Variants in KCMF1 observed in about 807,000 individuals in gnomAD.
KCMF1 encodes the protein potassium channel modulatory factor 1, also known as E3 ubiquitin-protein ligase KCMF1.
In KCMF1, 3 loss-of-function variants were observed where a neutral mutation model predicts 41.1. That is an observed-to-expected ratio of 0.07 (90% confidence interval 0.03 to 0.19). The LOEUF (loss-of-function observed/expected upper bound fraction) is 0.19, where lower values mean the gene tolerates loss of function less well. KCMF1 is among the 10% of genes least tolerant of loss of function. The pLI, the probability that KCMF1 is intolerant of heterozygous loss-of-function variation, is 1.00. For synonymous variants in KCMF1, 142 were observed against 164.5 expected (o/e 0.86, Z 1.04); for missense variants, 286 against 488.9 (o/e 0.58, Z 3.91).
intron 6 of KCMF1, among the ~76,000 whole-genome samples, chr2:85,050,626 C>T (rs1210594402): frequency 6.6e-6 from 1 of 152,170 alleles, no homozygotes; most frequent in Non-Finnish European, 1.5e-5. Flanking sequence ...TTAGCCTCAA[C>T]AGATAATGAA....
chr2:84,982,980 G>A (rs1673803648), intron 1 of KCMF1, among the ~76,000 whole-genome samples: 1 of 152,188 alleles, frequency 6.6e-6, no homozygotes, highest in Non-Finnish European at 1.5e-5. Flanking sequence ...AGAAATACAA[G>A]TGTTCCTATA....
At chr2:85,006,022 G>A (rs1407153315) in intron 1 of KCMF1, among the ~76,000 whole-genome samples, 1 of 152,054 alleles carries the variant, frequency 6.6e-6, no homozygotes, top group Non-Finnish European at 1.5e-5. Context: ...TTCCTCTTCA[G>A]TAATGCCTGG....
In KCMF1 at chr2:85,026,250, C is replaced by T. The variant is rs373535565; in HGVS notation, c.17-1639C>T. Among the ~76,000 whole-genome samples the T allele has an allele frequency of 5.0e-4, 76 of 151,842 alleles. 1 individual carries two copies. In the East Asian group the frequency reaches 0.012, roughly 23 times the overall value. ...AGGTGATCCGCCCACCTCAGTCTCC[C>T]AAAGTGCTGAGATTACAGGCGTGAG... On this transcript the variant is annotated intron_variant, in intron 1 of 6. Coordinates refer to ENST00000409785, the MANE Select transcript of KCMF1 (RefSeq NM_020122.5).
chr2:85,035,045 G>A lies in KCMF1; in HGVS notation c.214G>A (p.Val72Ile). Residue 72 changes from valine to isoleucine, a missense_variant, in exon 3 of 7, where the codon GTA becomes ATA. By Grantham distance (29) the Val-to-Ile change is conservative. Coordinates refer to ENST00000409785, the MANE Select transcript of KCMF1 (RefSeq NM_020122.5). ...ATACTATGGTGGGGAAGCTTTCTCTGTAGAGCAGCCACAGTCTTTTACTTG... is the reference window on the plus strand; with the variant it reads ...ATACTATGGTGGGGAAGCTTTCTCTATAGAGCAGCCACAGTCTTTTACTTG... Reference protein sequence around the residue: ...DLYYGGEAFSVEQPQSFTCPY... With the variant: ...DLYYGGEAFSIEQPQSFTCPY... 2 of 1,612,944 alleles carry A rather than the reference G, an allele frequency of 1.2e-6. No individual in the cohort carries two copies. The highest frequency in any genetic ancestry group is 1.7e-6 in the Non-Finnish European group (2 of 1,179,192).
chr2:85,034,068 C>A (rs545589445), intron 2 of KCMF1, among the ~76,000 whole-genome samples: 1 of 151,406 alleles, frequency 6.6e-6, no homozygotes, highest in Non-Finnish European at 1.5e-5. Flanking sequence ...TGATGGCACA[C>A]ACCTGTAGTT....
chr2:85,007,241 T>C (rs1397163701), intron 1 of KCMF1, among the ~76,000 whole-genome samples: 1 of 152,226 alleles, frequency 6.6e-6, no homozygotes, highest in East Asian at 1.9e-4. Context: ...GAGCCACATA[T>C]TGTTTAGTTA....
intron 1 of KCMF1, among the ~76,000 whole-genome samples, chr2:85,009,858 G>A (rs1187852884): frequency 1.3e-5 from 2 of 152,130 alleles, no homozygotes; most frequent in Non-Finnish European, 2.9e-5. Flanking sequence ...AAATTTAACT[G>A]CTTCTTAAAG....
At chr2:85,030,822 A>G (rs1277322862) in intron 2 of KCMF1, among the ~76,000 whole-genome samples, 1 of 152,102 alleles carries the variant, frequency 6.6e-6, no homozygotes, top group Non-Finnish European at 1.5e-5. Context: ...TCAGCCTTCC[A>G]AGTAATTGGG....
chr2:84,981,821 C>A (rs1673763553), intron 1 of KCMF1, among the ~76,000 whole-genome samples: 1 of 152,070 alleles, frequency 6.6e-6, no homozygotes, highest in Non-Finnish European at 1.5e-5. Context: ...TTCTGTCGGC[C>A]AGGCTGGAGT....
At chr2:85,020,357 T>G in intron 1 of KCMF1, among the ~76,000 whole-genome samples, 1 of 152,236 alleles carries the variant, frequency 6.6e-6, no homozygotes, top group East Asian at 1.9e-4. Flanking sequence ...CCTAAATAGA[T>G]ATCATAGGTA....
chr2:84,991,921 G>T (rs530197755), intron 1 of KCMF1, among the ~76,000 whole-genome samples: 1 of 152,166 alleles, frequency 6.6e-6, no homozygotes, highest in Non-Finnish European at 1.5e-5. Context: ...CTGCTGGTAT[G>T]AGAGACCCAA....
chr2:84,973,825 C>CTTTTTTTTTTTTTTTTTTTTTTTT (rs1238178193), intron 1 of KCMF1, among the ~76,000 whole-genome samples: 5 of 110,276 alleles, frequency 4.5e-5, no homozygotes, highest in Non-Finnish European at 5.6e-5. Flanking sequence ...TTATTTCTTT[C>CTTTTTTTTTTTTTTTTTTTTTTTT]TTTTTTTTTT....
intron 4 of KCMF1, 84 bp downstream of exon 4, chr2:85,043,749 T>C (rs1475833662): frequency 1.1e-6 from 1 of 908,756 alleles, no homozygotes; most frequent in African/African-American, 1.6e-5. Flanking sequence ...AAGATCTCGC[T>C]GTGTCGACCT....
At chr2:85,004,654 G>A (rs995320587) in intron 1 of KCMF1, among the ~76,000 whole-genome samples, 1 of 152,068 alleles carries the variant, frequency 6.6e-6, no homozygotes, top group African/African-American at 2.4e-5. Flanking sequence ...GGGGCAGGTG[G>A]GCACAGGGTC....
At chr2:85,014,092 ACTACT>A (rs1347417065) in intron 1 of KCMF1, 3 of 152,222 alleles carry the variant, frequency 2.0e-5, no homozygotes, top group Non-Finnish European at 4.4e-5. Flanking sequence ...TTGAGAAAAC[ACTACT>A]CTAGAGTAAG....
intron 1 of KCMF1, among the ~76,000 whole-genome samples, chr2:85,002,927 C>T (rs945480950): frequency 2.6e-5 from 4 of 152,124 alleles, no homozygotes; most frequent in African/African-American, 9.7e-5. Context: ...TAAAACAAGA[C>T]ACACAGAACT....
intron 1 of KCMF1, among the ~76,000 whole-genome samples, chr2:84,978,784 C>G (rs550892825): frequency 3.3e-5 from 5 of 152,106 alleles, no homozygotes; most frequent in Non-Finnish European, 5.9e-5. Flanking sequence ...GGCGCGATCT[C>G]AGCTCACCAC....
chr2:85,020,542 C>T (rs977612407), intron 1 of KCMF1, among the ~76,000 whole-genome samples: 5 of 152,134 alleles, frequency 3.3e-5, no homozygotes, highest in Non-Finnish European at 5.9e-5. Flanking sequence ...GATCCTCCCA[C>T]CTCAACCTGA....
intron 1 of KCMF1, among the ~76,000 whole-genome samples, chr2:85,011,288 A>G (rs1446624958): frequency 6.6e-6 from 1 of 152,154 alleles, no homozygotes; most frequent in Non-Finnish European, 1.5e-5. Context: ...AGAACTGGAT[A>G]TATTACAGGC....
Sources: gnomAD v4.1 joint callset for allele counts (sites outside exome capture counted in the v4.1 genomes callset) on GRCh38, gnomAD v4.1.1 for gene constraint, MANE v1.5 for transcripts, NCBI Gene and HGNC (gene_info 2026-07-23, HGNC 2026-07-21) for gene names.